The following EML4 variants were observed in gnomAD, a reference collection of about 807,000 sequenced individuals.
The protein encoded by EML4 is echinoderm microtubule-associated protein-like 4.
In EML4, 72 loss-of-function variants were observed where a neutral mutation model predicts 129.0. The observed-to-expected ratio is 0.56, with a 90% CI of 0.46 to 0.68. The LOEUF (loss-of-function observed/expected upper bound fraction) is 0.68. EML4 is among the 30% of genes least tolerant of loss of function. EML4 has a pLI of 0.00. For missense variants in EML4, 1,363 were observed against 1,190.6 expected (o/e 1.14, Z -2.13); for synonymous variants, 532 against 405.0 (o/e 1.31, Z -3.77).
chr2:42,257,390 T>A (rs1676221685), intron 3 of EML4, among the ~76,000 whole-genome samples: 1 of 152,190 alleles, frequency 6.6e-6, no homozygotes, highest in Non-Finnish European at 1.5e-5. Context: ...AGTAATAAGA[T>A]CATGTGTAAC....
At chr2:42,329,411 T>G (rs1337780197) in intron 22 of EML4, among the ~76,000 whole-genome samples, 1 of 152,222 alleles carries the variant, frequency 6.6e-6, no homozygotes, top group Non-Finnish European at 1.5e-5. Flanking sequence ...AATGTTCCCC[T>G]AACCATTTCA....
At chr2:42,191,795 C>G (rs1277423949) in intron 1 of EML4, among the ~76,000 whole-genome samples, 3 of 152,156 alleles carry the variant, frequency 2.0e-5, no homozygotes, top group East Asian at 3.9e-4. Flanking sequence ...CGTGGTGGCT[C>G]ACGCCTATAA....
At chr2:42,221,674 G>T (rs1040408492) in intron 1 of EML4, among the ~76,000 whole-genome samples, 1 of 151,878 alleles carries the variant, frequency 6.6e-6, no homozygotes, top group Admixed American at 6.6e-5. Context: ...CGTGATCTCG[G>T]CTCATCACAG....
At chr2:42,244,492 G>C (rs1473568702) in intron 1 of EML4, among the ~76,000 whole-genome samples, 2 of 152,194 alleles carry the variant, frequency 1.3e-5, no homozygotes, top group Non-Finnish European at 2.9e-5. Context: ...CTTTGTAATT[G>C]CTGTGGTATA....
At chr2:42,295,605 G>T (rs1019988057) in intron 13 of EML4, 89 bp downstream of exon 13, 6 of 1,165,902 alleles carry the variant, frequency 5.1e-6, no homozygotes, top group Non-Finnish European at 7.2e-6. Flanking sequence ...AGAAAGAGCT[G>T]CAGTGTAACA....
chr2:42,237,554 C>T (rs905610128), intron 1 of EML4, among the ~76,000 whole-genome samples: 1 of 151,986 alleles, frequency 6.6e-6, no homozygotes, highest in African/African-American at 2.4e-5. Flanking sequence ...TTTGGGGTGC[C>T]AACTCCCTCC....
chr2:42,262,467 C>T (rs1665788309), intron 4 of EML4, among the ~76,000 whole-genome samples: 1 of 152,044 alleles, frequency 6.6e-6, no homozygotes, highest in African/African-American at 2.4e-5. Flanking sequence ...TTCTTTGTCC[C>T]AGCATCTTTT....
intron 1 of EML4, among the ~76,000 whole-genome samples, chr2:42,190,039 G>C (rs1671496352): frequency 6.6e-6 from 1 of 151,952 alleles, no homozygotes; most frequent in African/African-American, 2.4e-5. Context: ...ACCAGAAGAG[G>C]TGCTTATAAT....
intron 17 of EML4, among the ~76,000 whole-genome samples, chr2:42,313,882 A>T (rs1669094734): frequency 6.7e-6 from 1 of 149,910 alleles, no homozygotes; most frequent in Admixed American, 6.6e-5. Flanking sequence ...GAGCCGAGAT[A>T]GTGCCACACC....
At chr2:42,233,716 A>G (rs895751745) in intron 1 of EML4, among the ~76,000 whole-genome samples, 1 of 152,190 alleles carries the variant, frequency 6.6e-6, no homozygotes, top group Non-Finnish European at 1.5e-5. Context: ...TAACTTAGCA[A>G]AATGTTTATA....
intron 6 of EML4, among the ~76,000 whole-genome samples, chr2:42,278,509 G>A (rs1262601905): frequency 6.7e-6 from 1 of 148,830 alleles, no homozygotes; most frequent in Non-Finnish European, 1.5e-5. Flanking sequence ...GGGTGGCGGA[G>A]GTTGCGGTGA....
chr2:42,324,389 G>C (rs1669679348), intron 19 of EML4, among the ~76,000 whole-genome samples: 1 of 152,246 alleles, frequency 6.6e-6, no homozygotes, highest in Non-Finnish European at 1.5e-5. Context: ...GCTGAGGCTG[G>C]AGGATCGCTT....
chr2:42,256,684 G>T (rs1320467962), intron 3 of EML4, 54 bp downstream of exon 3: 2 of 1,594,778 alleles, frequency 1.3e-6, no homozygotes, highest in East Asian at 2.2e-5. Flanking sequence ...TCTGAATGTG[G>T]TAGAGATCTC....
intron 1 of EML4, among the ~76,000 whole-genome samples, chr2:42,237,070 C>G (rs1042539152): frequency 6.6e-6 from 1 of 152,116 alleles, no homozygotes; most frequent in Non-Finnish European, 1.5e-5. Flanking sequence ...TCCTAAGTAG[C>G]TGGGACTACA....
chr2:42,229,630 A>G (rs1320702772), intron 1 of EML4, among the ~76,000 whole-genome samples: 1 of 152,156 alleles, frequency 6.6e-6, no homozygotes, highest in Non-Finnish European at 1.5e-5. Context: ...TGAGTTTGTC[A>G]GAGGAATCAG....
At chr2:42,217,069 A>G (rs1013574207) in intron 1 of EML4, among the ~76,000 whole-genome samples, 7 of 152,226 alleles carry the variant, frequency 4.6e-5, no homozygotes, top group African/African-American at 7.2e-5. Context: ...TTTTTAACCA[A>G]TATTCTGACA....
chr2:42,276,082 T>C (rs1383100615), intron 6 of EML4, among the ~76,000 whole-genome samples: 2 of 152,134 alleles, frequency 1.3e-5, no homozygotes, highest in Non-Finnish European at 2.9e-5. Context: ...AATTTGACAA[T>C]GACTGGGGAG....
intron 1 of EML4, among the ~76,000 whole-genome samples, chr2:42,172,757 G>A (rs2068421): frequency 0.69 from 105,461 of 151,810 alleles, 36,916 homozygotes; most frequent in Middle Eastern, 0.85. Context: ...TATACTGTAT[G>A]TATATTAAAT....
intron 1 of EML4, among the ~76,000 whole-genome samples, chr2:42,233,455 G>A (rs1011601372): frequency 2.0e-5 from 3 of 151,712 alleles, no homozygotes; most frequent in Middle Eastern, 3.4e-3. Context: ...ATAGGCACCC[G>A]CCACCATGCC....
Sources: allele counts gnomAD v4.1 joint callset (sites outside exome capture counted in the v4.1 genomes callset), GRCh38; gene constraint gnomAD v4.1.1; transcripts MANE v1.5; gene names NCBI Gene and HGNC (gene_info 2026-07-23, HGNC 2026-07-21).